The following SYNE1 variants were observed in gnomAD, a reference collection of about 807,000 sequenced individuals.
The protein encoded by SYNE1 is spectrin repeat containing nuclear envelope protein 1, also known as nesprin-1.
Under a neutral mutation model 1,111.0 loss-of-function variants are expected in SYNE1, and 616 were observed. The ratio of observed to expected loss-of-function variants is 0.55; its 90% CI spans 0.52 to 0.59. The LOEUF is 0.59. Among genes scored for constraint, SYNE1 ranks in the 20% least tolerant of loss-of-function variants. The probability of loss-of-function intolerance (pLI) is 0.00; values close to 1 mark genes in which losing one functional copy is unlikely to be tolerated. For missense variants in SYNE1, 10,006 were observed against 10,417.0 expected (o/e 0.96, Z 1.72); for synonymous variants, 3,855 against 3,825.8 (o/e 1.01, Z -0.28).
rs1562279388 is a variant in SYNE1 at position 152,220,880 on chromosome 6, C to T, written c.21823G>A (p.Ala7275Thr). 6.2e-7 allele frequency: 1 copy of T among 1,614,126 alleles called. No homozygotes were observed. Among genetic ancestry groups the T allele is most frequent in the Non-Finnish European group, 8.5e-7 (1 of 1,180,000 alleles). ...LLKAATNKDI[A>T]DDEVATWIQD... is the part of the protein sequence containing the mutation. ...ATCCATGTGGCAACCTCATCATCGG[C>T]AATGTCCTTGTTTGTGGCTGCCTTC... The change falls in exon 119 of 146, where the codon GCC becomes ACC. Residue 7275 changes from alanine (A) to threonine (T), a missense_variant. Physicochemically the swap from Ala to Thr is moderately conservative, Grantham distance 58. Transcript: ENST00000367255.
intron 10 of SYNE1, among the ~76,000 whole-genome samples, chr6:152,501,599 G>A (rs1351167790): frequency 6.6e-6 from 1 of 152,094 alleles, no homozygotes; most frequent in Non-Finnish European, 1.5e-5. Context: ...GCTGGGCATG[G>A]TGATGTGCAA....
intron 139 of SYNE1, 47 bp from the exon 140 acceptor site, chr6:152,140,208 G>C (rs1317050312): frequency 6.3e-7 from 1 of 1,590,652 alleles, no homozygotes; most frequent in East Asian, 2.2e-5. Flanking sequence ...CTCTACATGT[G>C]ATGTTTATGA....
In SYNE1 at chr6:152,308,471, C is replaced by G. The variant is rs1932994; in HGVS notation, c.17346+18G>C. On this transcript the variant is annotated intron_variant, in intron 91 of 145. Coordinates refer to ENST00000367255, the MANE Select transcript of SYNE1 (RefSeq NM_182961.4). ...AGCCAGTTTCCTGCCCTCGGTATTTCGCCTACATTCCTCTCACCTCATGCC... is the reference window on the plus strand; with the variant it reads ...AGCCAGTTTCCTGCCCTCGGTATTTGGCCTACATTCCTCTCACCTCATGCC... 1.9e-6 allele frequency: 3 copies of G among 1,614,004 alleles called. No homozygotes were observed. The South Asian group carries it at 3.3e-5, about 18-fold the overall frequency.
chr6:152,359,210 T>C, intron 65 of SYNE1, 105 bp downstream of exon 65: 2 of 1,519,042 alleles, frequency 1.3e-6, no homozygotes, highest in Non-Finnish European at 1.8e-6. Context: ...GCTTTTGTTC[T>C]GTTTTCCCAA....
intron 32 of SYNE1, among the ~76,000 whole-genome samples, chr6:152,437,967 T>C (rs1015963652): frequency 7.9e-5 from 12 of 152,212 alleles, no homozygotes; most frequent in Admixed American, 2.6e-4. Flanking sequence ...TTGGCCAAGA[T>C]TGTGCCACTG....
chr6:152,389,815 C>T (rs984925701), intron 53 of SYNE1, among the ~76,000 whole-genome samples: 3 of 152,198 alleles, frequency 2.0e-5, no homozygotes, highest in Admixed American at 1.3e-4. Flanking sequence ...TCCCTCGTCA[C>T]TGTGACAATC....
At chr6:152,515,086 G>T (rs1016153040) in intron 6 of SYNE1, among the ~76,000 whole-genome samples, 2 of 152,056 alleles carry the variant, frequency 1.3e-5, no homozygotes, top group Non-Finnish European at 2.9e-5. Context: ...GCTAGGCTTG[G>T]TGGCGCATGC....
rs566650715 is a variant in SYNE1 at position 152,265,254 on chromosome 6, A to T, written c.18815+2802T>A. ...AATAGTAACAATAATAATAATGGCA[A>T]TGGCAATAGTGCAAATATCCAGCAA... On this transcript the variant is annotated intron_variant, in intron 100 of 145. Coordinates refer to ENST00000367255, the MANE Select transcript of SYNE1 (RefSeq NM_182961.4). 3.3e-4 allele frequency among the ~76,000 whole-genome samples: 50 copies of T among 152,050 alleles called. 1 individual carries two copies. Among genetic ancestry groups the T allele is most frequent in the African/African-American group, 1.2e-3 (48 of 41,500 alleles).
intron 29 of SYNE1, among the ~76,000 whole-genome samples, chr6:152,446,448 C>T (rs931858289): frequency 6.6e-6 from 1 of 151,996 alleles, no homozygotes; most frequent in Non-Finnish European, 1.5e-5. Flanking sequence ...AAATCGTAAG[C>T]AGTTCAGAGT....
chr6:152,330,248 C>T lies in SYNE1; in HGVS notation c.14437G>A (p.Glu4813Lys), dbSNP rs756610777. The T allele has an allele frequency of 1.1e-5, 17 of 1,614,162 alleles. No individual in the cohort carries two copies. Among genetic ancestry groups the T allele is most frequent in the Non-Finnish European group, 4.2e-6 (5 of 1,180,034 alleles). ...KVNEETLPAE[E>K]KLKMYHSLAG... ...AGGGAGTGATACATTTTGAGCTTCTCCTCTGCAGGCAGCGTTTCCTCATTC... is the reference window on the plus strand; with the variant it reads ...AGGGAGTGATACATTTTGAGCTTCTTCTCTGCAGGCAGCGTTTCCTCATTC... Residue 4813 changes from glutamate to lysine, a missense_variant, in exon 78 of 146, where the codon GAG becomes AAG. By Grantham distance (56) the Glu-to-Lys change is moderately conservative (BLOSUM62 1). Coordinates refer to ENST00000367255, the MANE Select transcript of SYNE1 (RefSeq NM_182961.4).
chr6:152,369,428 A>G, intron 60 of SYNE1, 43 bp downstream of exon 60: 2 of 1,614,000 alleles, frequency 1.2e-6, no homozygotes, highest in Non-Finnish European at 1.7e-6. Flanking sequence ...GAGGACGGAC[A>G]AAGACTAGGT....
rs779511296 is a variant in SYNE1 at position 152,428,252 on chromosome 6, C to T, written c.4929G>A (p.Ala1643=). 25 of 1,613,898 alleles carry T rather than the reference C, an allele frequency of 1.5e-5. No homozygotes were observed. Among genetic ancestry groups the T allele is most frequent in the South Asian group, 1.4e-4 (13 of 91,094 alleles). Residue 1643 remains alanine, a synonymous_variant, in exon 37 of 146, where the codon GCG becomes GCA. Transcript: ENST00000367255. ...TCTCCAGCGCCGTCTGTCTCTCCTT[C>T]GCCCTCCTTAGGATGTCCTCGTATT... The part of the protein sequence containing the change: ...QQQYEDILRR[A]KERQTALENL...
chr6:152,233,606 C>G (rs372864930), intron 112 of SYNE1, among the ~76,000 whole-genome samples, 175 bp downstream of exon 112: 2 of 152,050 alleles, frequency 1.3e-5, no homozygotes, highest in Non-Finnish European at 2.9e-5. Flanking sequence ...ATTACAGGTG[C>G]GAGCCACCGC....
At chr6:152,544,094 A>G (rs1190457897) in intron 3 of SYNE1, among the ~76,000 whole-genome samples, 1 of 152,238 alleles carries the variant, frequency 6.6e-6, no homozygotes, top group Non-Finnish European at 1.5e-5. Flanking sequence ...TTCTGTCCTC[A>G]GCTTTTCTGC....
At chr6:152,377,608 TAAAAAAAAAAAAAAAAAAAAAA>T (rs869031827) in intron 56 of SYNE1, among the ~76,000 whole-genome samples, 3 of 31,370 alleles carry the variant, frequency 9.6e-5, no homozygotes, top group Non-Finnish European at 1.8e-4. Flanking sequence ...AACTCCGTCT[TAAAAAAAAAAAAAAAAAAAAAA>T]AAAAAAAAAA....
chr6:152,375,360 T>C (rs1014605004), intron 58 of SYNE1, among the ~76,000 whole-genome samples: 4 of 152,210 alleles, frequency 2.6e-5, no homozygotes, highest in Admixed American at 1.3e-4. Flanking sequence ...CAGAGTCTGC[T>C]CCTACTAGAG....
At chr6:152,455,803 G>T in intron 23 of SYNE1, 83 bp downstream of exon 23, 1 of 1,596,484 alleles carries the variant, frequency 6.3e-7, no homozygotes, top group Non-Finnish European at 8.6e-7. Context: ...GTTTTAGCAA[G>T]ACCAAAAGCA....
chr6:152,544,360 T>C (rs1233461854), intron 3 of SYNE1, among the ~76,000 whole-genome samples: 2 of 152,166 alleles, frequency 1.3e-5, no homozygotes, highest in Non-Finnish European at 2.9e-5. Context: ...CCGTGTAACA[T>C]TAAAAGCAAC....
In SYNE1 at chr6:152,294,036, T is replaced by C. The variant is rs759380758; in HGVS notation, c.17774A>G (p.Tyr5925Cys). 1.2e-5 allele frequency: 19 copies of C among 1,614,130 alleles called. No homozygotes were observed. Among genetic ancestry groups the C allele is most frequent in the Non-Finnish European group, 1.2e-5 (14 of 1,180,022 alleles). The change falls in exon 94 of 146, where the codon TAT becomes TGT. Residue 5925 changes from tyrosine to cysteine, a missense_variant. Around this residue, in one of 7 missense-constraint regions of SYNE1, gnomAD observed 4,955 missense variants for 5,017.2 expected, o/e 0.99. Transcript: ENST00000367255. ...HPSTSASQEF[Y>C]EPGLEPSATA... ...AGCGGATGGCTCCAATCCCGGTTCA[T>C]AGAACTCCTGGGATGCGGATGTGCT...
Sources: gnomAD v4.1 joint callset for allele counts (sites outside exome capture counted in the v4.1 genomes callset) on GRCh38, gnomAD v4.1.1 for gene constraint, gnomAD v4.1.1 regional missense constraint, MANE v1.5 for transcripts, NCBI Gene and HGNC (gene_info 2026-07-23, HGNC 2026-07-21) for gene names.